ELMO1: variants seen among roughly 807,000 people sequenced by gnomAD.
ELMO1 encodes engulfment and cell motility protein 1.
In ELMO1, 26 loss-of-function variants were observed where a neutral mutation model predicts 98.9. That is an observed-to-expected ratio of 0.26 (90% CI 0.19 to 0.36). The LOEUF is 0.36. ELMO1 is among the 10% of genes least tolerant of loss of function. ELMO1 has a pLI of 1.00. For synonymous variants in ELMO1, 346 were observed against 346.0 expected, an observed-to-expected ratio of 1.00 and a Z score of 0.00; for missense variants, 627 against 935.2, an observed-to-expected ratio of 0.67 and a Z score of 4.30.
rs934650047 is a variant in ELMO1 at position 37,436,503 on chromosome 7, T to G, written c.-74+12172A>C. Among the ~76,000 whole-genome samples, 5 of 152,192 alleles carry G rather than the reference T, an allele frequency of 3.3e-5. No individual in the cohort carries two copies. The South Asian group carries it at 1.0e-3, about 31-fold the overall frequency. On this transcript the variant is annotated intron_variant, in intron 1 of 21. Transcript: ENST00000310758. ...TCAAAGCACTAATTTGGAGAAGCAG[T>G]TTCTGTTTGGCACATGGCTCTCTGA...
intron 15 of ELMO1, among the ~76,000 whole-genome samples, chr7:37,090,052 C>T (rs1309151463): frequency 1.3e-5 from 2 of 152,138 alleles, no homozygotes; most frequent in South Asian, 2.1e-4. Context: ...AGAGATCCAC[C>T]GGAAGAGATG....
At chr7:36,914,516 CTTTT>C (rs71734817) in intron 16 of ELMO1, among the ~76,000 whole-genome samples, 2 of 129,958 alleles carry the variant, frequency 1.5e-5, no homozygotes, top group Non-Finnish European at 1.7e-5. Context: ...AATGTACATT[CTTTT>C]TTTTTTTTTT....
intron 5 of ELMO1, among the ~76,000 whole-genome samples, chr7:37,266,758 A>C (rs1029024146): frequency 2.6e-5 from 4 of 152,124 alleles, no homozygotes; most frequent in Non-Finnish European, 4.4e-5. Context: ...CACACCTGTA[A>C]TCCCAGCACT....
chr7:37,019,792 T>C (rs1339974890), intron 15 of ELMO1, among the ~76,000 whole-genome samples: 1 of 152,228 alleles, frequency 6.6e-6, no homozygotes, highest in Non-Finnish European at 1.5e-5. Context: ...TTTTACTTTA[T>C]TTTAAAAACC....
intron 13 of ELMO1, among the ~76,000 whole-genome samples, chr7:37,179,185 A>G (rs1790686247): frequency 1.3e-5 from 2 of 152,054 alleles, no homozygotes; most frequent in South Asian, 4.1e-4. Flanking sequence ...GGCAACAGAT[A>G]ATTTTTTTCT....
intron 4 of ELMO1, among the ~76,000 whole-genome samples, chr7:37,288,843 C>A (rs974197574): frequency 2.6e-5 from 4 of 152,182 alleles, no homozygotes; most frequent in African/African-American, 9.7e-5. Flanking sequence ...TGAACCTAGG[C>A]AAGTCATATT....
chr7:37,131,876 A>T (rs900665151), intron 14 of ELMO1, among the ~76,000 whole-genome samples: 1 of 152,204 alleles, frequency 6.6e-6, no homozygotes, highest in African/African-American at 2.4e-5. Context: ...CAACACACAG[A>T]TTTAAAATAT....
chr7:37,156,588 G>A (rs766502792), intron 13 of ELMO1, among the ~76,000 whole-genome samples: 2 of 151,962 alleles, frequency 1.3e-5, no homozygotes, highest in South Asian at 2.1e-4. Context: ...GGATAAATTC[G>A]TGGACACATA....
At chr7:36,862,389 C>T (rs915573315) in intron 20 of ELMO1, among the ~76,000 whole-genome samples, 3 of 152,214 alleles carry the variant, frequency 2.0e-5, no homozygotes, top group African/African-American at 7.2e-5. Flanking sequence ...GAAGCACGGG[C>T]TTACTCATTG....
intron 4 of ELMO1, among the ~76,000 whole-genome samples, chr7:37,286,666 G>A (rs1409980318): frequency 6.6e-6 from 1 of 152,164 alleles, no homozygotes; most frequent in East Asian, 1.9e-4. Context: ...AAGAAGGAGG[G>A]AGAGAAGGGA....
upstream of ELMO1, chr7:37,449,264 C>G (rs978889650): frequency 1.3e-5 from 2 of 152,218 alleles, no homozygotes; most frequent in African/African-American, 4.8e-5. Flanking sequence ...CCGTCACCCT[C>G]ATAGCGCCAT....
Position 37,426,562 on chromosome 7 carries a change from C to T in ELMO1, c.-74+22113G>A, listed in dbSNP as rs116071470. Among the ~76,000 whole-genome samples, 591 of 152,292 alleles carry T rather than the reference C, an allele frequency of 3.9e-3. 3 individuals carry two copies. The highest frequency in any genetic ancestry group is 0.013 in the African/African-American group (537 of 41,570). On this transcript the variant is annotated intron_variant, in intron 1 of 21. Transcript: ENST00000310758. ...ATCACTTGGTACCACTCACAAGAGA[C>T]GCTCTGTAAAGGTCAGCTCTCCTTG...
At chr7:36,968,494 C>A (rs1458356785) in intron 16 of ELMO1, among the ~76,000 whole-genome samples, 5 of 152,166 alleles carry the variant, frequency 3.3e-5, no homozygotes, top group Non-Finnish European at 7.4e-5. Flanking sequence ...TTTGTGCAGG[C>A]ATGCGTGTCT....
At chr7:37,408,244 G>T (rs1284631172) in intron 1 of ELMO1, among the ~76,000 whole-genome samples, 2 of 152,136 alleles carry the variant, frequency 1.3e-5, no homozygotes, top group African/African-American at 4.8e-5. Flanking sequence ...AATCACAACC[G>T]GTTACACAAT....
chr7:37,187,470 A>G (rs1022638016), intron 13 of ELMO1, among the ~76,000 whole-genome samples: 1 of 152,184 alleles, frequency 6.6e-6, no homozygotes, highest in African/African-American at 2.4e-5. Flanking sequence ...CATCAATAAA[A>G]CTGTTAAAAT....
chr7:37,146,444 C>G (rs559261644), intron 13 of ELMO1, among the ~76,000 whole-genome samples: 2 of 152,284 alleles, frequency 1.3e-5, no homozygotes, highest in African/African-American at 4.8e-5. Context: ...CTTGACTCCC[C>G]CTGTACTAGG....
At chr7:36,869,348 A>G (rs1803323366) in intron 20 of ELMO1, among the ~76,000 whole-genome samples, 1 of 152,248 alleles carries the variant, frequency 6.6e-6, no homozygotes, top group South Asian at 2.1e-4. Context: ...CTTCCTGAAC[A>G]GTATTTTCAT....
At chr7:37,351,803 C>T (rs1020718353) in intron 1 of ELMO1, among the ~76,000 whole-genome samples, 9 of 152,198 alleles carry the variant, frequency 5.9e-5, no homozygotes, top group South Asian at 2.1e-4. Flanking sequence ...GTTACACACT[C>T]TAACCTTGCA....
chr7:36,875,737 G>C (rs548526177), intron 19 of ELMO1, among the ~76,000 whole-genome samples: 27 of 152,246 alleles, frequency 1.8e-4, no homozygotes, highest in Admixed American at 3.3e-4. Flanking sequence ...TGGAGTCTTG[G>C]GGGTGAGGGT....
Sources: allele counts gnomAD v4.1 joint callset (sites outside exome capture counted in the v4.1 genomes callset), GRCh38; gene constraint gnomAD v4.1.1; transcripts MANE v1.5; gene names NCBI Gene and HGNC (gene_info 2026-07-23, HGNC 2026-07-21).